IPO8: variants seen among roughly 807,000 people sequenced by gnomAD.
IPO8 encodes importin 8.
Under a neutral mutation model 141.2 loss-of-function variants are expected in IPO8, and 65 were observed. The ratio of observed to expected loss-of-function variants is 0.46; its 90% CI spans 0.38 to 0.57. The LOEUF is 0.57. IPO8 is among the 20% of genes least tolerant of loss of function. The pLI is 0.00. For missense variants in IPO8, 980 were observed against 1,246.8 expected, an observed-to-expected ratio of 0.79 and a Z score of 3.22; for synonymous variants, 411 against 420.3, an observed-to-expected ratio of 0.98 and a Z score of 0.27.
intron 19 of IPO8, among the ~76,000 whole-genome samples, chr12:30,650,543 G>A (rs2052712233): frequency 6.6e-6 from 1 of 152,018 alleles, no homozygotes; most frequent in Non-Finnish European, 1.5e-5. Flanking sequence ...GGCTGCTTAG[G>A]TTCAAACCGC....
chr12:30,677,016 C>T (rs1418537671), intron 5 of IPO8: 6 of 1,527,368 alleles, frequency 3.9e-6, no homozygotes, highest in Non-Finnish European at 5.3e-6. Context: ...AACTACAGTC[C>T]ACTTTGTACT....
intron 8 of IPO8, among the ~76,000 whole-genome samples, chr12:30,671,656 T>C (rs1223909728): frequency 5.2e-5 from 6 of 115,832 alleles, no homozygotes; most frequent in Admixed American, 2.7e-4. Flanking sequence ...CCCTGGGTGA[T>C]AGAGCGAGAC....
rs766968553 is a variant in IPO8, at chr12:30,681,688, T to C, written c.453A>G (p.Leu151=). Residue 151 remains leucine, a synonymous_variant, in exon 4 of 25, where the codon TTA becomes TTG. Transcript: ENST00000256079. ...ATGTCTTCACCAGTTGATACAGGCATAATAAACTGCCAAGCCAGCTTGCAC... is the reference window on the plus strand; with the variant it reads ...ATGTCTTCACCAGTTGATACAGGCACAATAAACTGCCAAGCCAGCTTGCAC... ...QSSASWLGSL[L]CLYQLVKTYE... The C allele has an allele frequency of 6.2e-7, 1 of 1,613,802 alleles. No individual in the cohort carries two copies. The highest frequency in any genetic ancestry group is 1.1e-5 in the South Asian group (1 of 91,070).
At chr12:30,643,860 T>C (rs925878509) in intron 20 of IPO8, among the ~76,000 whole-genome samples, 2 of 152,234 alleles carry the variant, frequency 1.3e-5, no homozygotes, top group Non-Finnish European at 2.9e-5. Context: ...ATTTATTCTA[T>C]AGTCTTCTGA....
At chr12:30,659,893 A>T (rs1288617836) in intron 16 of IPO8, among the ~76,000 whole-genome samples, 1 of 150,572 alleles carries the variant, frequency 6.6e-6, no homozygotes, top group African/African-American at 2.4e-5. Context: ...TCAAAAAAAA[A>T]ACCCAACAGC....
intron 2 of IPO8, among the ~76,000 whole-genome samples, chr12:30,689,889 GATT>G (rs1315393023): frequency 6.6e-6 from 1 of 151,928 alleles, no homozygotes; most frequent in Non-Finnish European, 1.5e-5. Flanking sequence ...TTTAGCTTTT[GATT>G]ATTATCTTTT....
At chr12:30,666,130 AC>A (rs1184432542) in intron 11 of IPO8, 44 bp downstream of exon 11, 1 of 1,219,718 alleles carries the variant, frequency 8.2e-7, no homozygotes, top group East Asian at 2.3e-5. Context: ...TCAACTCAAC[AC>A]AGGCCACCTT....
chr12:30,670,103 G>T (rs1323951690), intron 9 of IPO8, among the ~76,000 whole-genome samples: 1 of 152,110 alleles, frequency 6.6e-6, no homozygotes, highest in African/African-American at 2.4e-5. Context: ...CAGGAACACA[G>T]CAAATGAAAT....
chr12:30,674,492 G>A (rs934816966), intron 7 of IPO8, among the ~76,000 whole-genome samples, 167 bp downstream of exon 7: 1 of 151,840 alleles, frequency 6.6e-6, no homozygotes, highest in South Asian at 2.1e-4. Context: ...GAATAGAAAA[G>A]ATCCAGAGAA....
intron 5 of IPO8, chr12:30,677,184 T>C (rs2053133700): frequency 1.2e-6 from 1 of 814,940 alleles, no homozygotes; most frequent in Non-Finnish European, 1.9e-6. Flanking sequence ...AAAAAATGTA[T>C]ATAAAGTCAT....
Position 30,666,266 on chromosome 12 carries a change from G to T in IPO8, c.1145-15C>A. The T allele has an allele frequency of 6.5e-7, 1 of 1,528,980 alleles. No individual in the cohort carries two copies. The highest frequency in any genetic ancestry group is 2.3e-5 in the East Asian group (1 of 43,846). The allele number at this position is 1,528,980 out of a possible 1,614,324, so 94.7% of individuals were successfully genotyped here. On this transcript the variant is annotated splice_polypyrimidine_tract_variant and intron_variant, in intron 10 of 24. Coordinates refer to ENST00000256079, the MANE Select transcript of IPO8 (RefSeq NM_006390.4). ...TTCAAAAATATCTAAGATTTTAAAA[G>T]GTTAAAACCATGTTAGTGAAAATAT... is the stretch of plus-strand genomic sequence containing the variant.
At chr12:30,645,831 T>C (rs2052637767) in intron 20 of IPO8, among the ~76,000 whole-genome samples, 1 of 151,556 alleles carries the variant, frequency 6.6e-6, no homozygotes, top group Admixed American at 6.6e-5. Flanking sequence ...CTATAACAAA[T>C]AAAGAGACTG....
At position 30,639,689 on chromosome 12, in the gene IPO8, C is replaced by A; in HGVS notation, c.2315G>T (p.Gly772Val). The A allele has an allele frequency of 6.2e-7, 1 of 1,614,048 alleles. No homozygotes were observed. Among genetic ancestry groups the A allele is most frequent in the Non-Finnish European group, 8.5e-7 (1 of 1,180,004 alleles). ...VQLVLERLTR[G>V]VKTSELRTMC... Reference sequence around the variant, plus strand: ...AGTACGAAGCTCACTAGTTTTGACCCCTCGAGTTAATCTCTCCAAAACAAG... The same window carrying A: ...AGTACGAAGCTCACTAGTTTTGACCACTCGAGTTAATCTCTCCAAAACAAG... Residue 772 changes from glycine (G) to valine (V), a missense_variant, in exon 21 of 25, where the codon GGG becomes GTG. This residue lies in a region of IPO8 where 924 missense variants were observed against 1,153.9 expected (regional missense o/e 0.80). Transcript: ENST00000256079.
intron 1 of IPO8, among the ~76,000 whole-genome samples, chr12:30,691,873 C>T (rs1443696087): frequency 6.6e-6 from 1 of 152,174 alleles, no homozygotes; most frequent in African/African-American, 2.4e-5. Flanking sequence ...TTTCTATATC[C>T]TTCACAAAAT....
At chr12:30,658,076 C>T (rs2052826695) in intron 16 of IPO8, among the ~76,000 whole-genome samples, 1 of 152,042 alleles carries the variant, frequency 6.6e-6, no homozygotes, top group African/African-American at 2.4e-5. Flanking sequence ...TTACATTTTT[C>T]GTGTAAATGT....
At chr12:30,668,233 C>G (rs1205225517) in intron 10 of IPO8, among the ~76,000 whole-genome samples, 1 of 152,164 alleles carries the variant, frequency 6.6e-6, no homozygotes, top group Non-Finnish European at 1.5e-5. Flanking sequence ...TTTTCTGATA[C>G]TTTGTCTCCA....
rs2052734517 is a variant in IPO8, at chr12:30,652,052, AAAATAC to A, written c.2172+134_2172+139del. On this transcript the variant is annotated intron_variant, in intron 19 of 24. Transcript: ENST00000256079. The stretch of plus-strand genomic sequence containing the variant: ...CTTTCAAATCCCAAAGATCCTTTTG[AAAATAC>A]AAATGAAAAAATATATGTTGATGAA... 4 of 521,240 alleles carry A rather than the reference AAAATAC, an allele frequency of 7.7e-6. No homozygotes were observed. The African/African-American group carries it at 7.9e-5, about 10-fold the overall frequency. 32.3% of individuals were successfully genotyped at this position (521,240 alleles called of 1,614,324 possible). A position where few individuals can be genotyped will look rare whatever the true frequency, so the allele number is the denominator to read the frequency against.
At chr12:30,671,174 C>A (rs1298344954) in intron 8 of IPO8, 78 bp from the exon 9 acceptor site, 15 of 875,020 alleles carry the variant, frequency 1.7e-5, no homozygotes, top group Non-Finnish European at 2.5e-5. Context: ...TTGGCATGAC[C>A]TAAAATTCAG....
rs756723921 is a variant in IPO8, at chr12:30,680,635, A to T, written c.486T>A (p.Tyr162Ter). 1 of 1,608,110 alleles carries T rather than the reference A, an allele frequency of 6.2e-7. No individual in the cohort carries two copies. The highest frequency in any genetic ancestry group is 1.3e-5 in the African/African-American group (1 of 74,888). The change falls in exon 5 of 25, where the codon TAT becomes TAA. Residue 162 changes from tyrosine to a stop codon, truncating the protein, a stop_gained. Coordinates refer to ENST00000256079, the MANE Select transcript of IPO8 (RefSeq NM_006390.4). LOFTEE classifies it high-confidence loss of function. Reference protein sequence around the residue: ...CLYQLVKTYEYKKAEEREPLI... With the variant: ...CLYQLVKTYE ...GAGGTTCTCTCTCTTCTGCTTTCTT[A>T]TATCTACATGAGCAAAGACAAAAAC...
Sources: gnomAD v4.1 joint callset for allele counts (sites outside exome capture counted in the v4.1 genomes callset) on GRCh38, gnomAD v4.1.1 for gene constraint, gnomAD v4.1.1 regional missense constraint, MANE v1.5 for transcripts, NCBI Gene and HGNC (gene_info 2026-07-23, HGNC 2026-07-21) for gene names.